The following CUL9 variants were observed in gnomAD, a reference collection of about 807,000 sequenced individuals.
CUL9 encodes cullin-9.
CUL9 carries 79 observed loss-of-function variants against 272.6 expected under a neutral mutation model. The ratio of observed to expected loss-of-function variants is 0.29; its 90% CI spans 0.24 to 0.35. The LOEUF (loss-of-function observed/expected upper bound fraction) is 0.35, where lower values mean the gene tolerates loss of function less well. Ranked by LOEUF, CUL9 falls within the 10% of genes least tolerant of loss-of-function variation. CUL9 has a pLI of 1.00. For missense variants in CUL9, 2,532 were observed against 3,255.6 expected, an observed-to-expected ratio of 0.78 and a Z score of 5.41; for synonymous variants, 1,186 against 1,286.5, an observed-to-expected ratio of 0.92 and a Z score of 1.67.
Position 43,203,838 on chromosome 6 carries a change from C to T in CUL9, c.4026-16C>T, listed in dbSNP as rs746410241. 1 of 1,599,720 alleles carries T rather than the reference C, an allele frequency of 6.3e-7. No homozygotes were observed. The highest frequency in any genetic ancestry group is 8.5e-7 in the Non-Finnish European group (1 of 1,171,402). On this transcript the variant is annotated splice_polypyrimidine_tract_variant and intron_variant, in intron 19 of 40. Transcript: ENST00000252050. This position sits in a 1 kb window ranked among gnomAD's most constrained non-coding sequence, Gnocchi z 5.0. ...TCGGTGCCATTAATCCTCCGCCATG[C>T]ACTGTTTGTTCCCAGACTGAACAGG...
chr6:43,219,885 C>T lies in CUL9; in HGVS notation c.6283-574C>T, dbSNP rs117605800. Among the ~76,000 whole-genome samples, 38 of 152,156 alleles carry T rather than the reference C, an allele frequency of 2.5e-4. 2 individuals are homozygous for T. The East Asian group carries it at 4.8e-3, about 19-fold the overall frequency. On this transcript the variant is annotated intron_variant, in intron 31 of 40. Transcript: ENST00000252050. Reference sequence around the variant, plus strand: ...GGGGAGTGACATGGGAGCAAGAGAACGATATGAAAGTTCCAACACTGGTGA... The same window carrying T: ...GGGGAGTGACATGGGAGCAAGAGAATGATATGAAAGTTCCAACACTGGTGA...
At chr6:43,186,837 G>A (rs1440996657) in intron 4 of CUL9, 123 bp from the exon 5 acceptor site, 1 of 1,228,410 alleles carries the variant, frequency 8.1e-7, no homozygotes, top group East Asian at 2.3e-5. Context: ...GGCTTAGCCA[G>A]GTGTGTATCT....
Position 43,204,960 on chromosome 6 carries a change from A to G in CUL9, c.4477A>G (p.Arg1493Gly). The change falls in exon 23 of 41, where the codon AGG (arginine) becomes GGG (glycine). Residue 1493 changes from arginine (R) to glycine (G), a missense_variant. By Grantham distance (125) the Arg-to-Gly change is moderately radical. This residue lies in a region of CUL9 where 2,218 missense variants were observed against 2,788.6 expected (regional missense o/e 0.80). Coordinates refer to ENST00000252050, the MANE Select transcript of CUL9 (RefSeq NM_015089.4). ...CAGCAGATTCCTGGCTGCAGCTTGG[A>G]GGGCCCCAGACTTTGTGCCTCGTTA... ...QVSRFLAAAW[R>G]APDFVPRYCK... 3 of 1,608,908 alleles carry G rather than the reference A, an allele frequency of 1.9e-6. No homozygotes were observed. The highest frequency in any genetic ancestry group is 2.5e-6 in the Non-Finnish European group (3 of 1,176,650).
At position 43,185,496 on chromosome 6, in the gene CUL9, T is replaced by C; in HGVS notation, c.636T>C (p.Asp212=). Residue 212 remains aspartate (D), a synonymous_variant, in exon 3 of 41, where the codon GAT becomes GAC. Transcript: ENST00000252050. Reference sequence around the variant, plus strand: ...TCCTTCTATCACTGAGCCAGCAAGATGGCATCGAGCAGCACATGGATTTTG... The same window carrying C: ...TCCTTCTATCACTGAGCCAGCAAGACGGCATCGAGCAGCACATGGATTTTG... ...AHVLLSLSQQ[D]GIEQHMDFDS... 5 of 1,613,998 alleles carry C rather than the reference T, an allele frequency of 3.1e-6. No homozygotes were observed. The highest frequency in any genetic ancestry group is 1.1e-5 in the South Asian group (1 of 91,082).
intron 8 of CUL9, among the ~76,000 whole-genome samples, chr6:43,191,279 TGTGTGTGTGTGTGC>T (rs1773447611): frequency 6.7e-6 from 1 of 149,548 alleles, no homozygotes; most frequent in African/African-American, 2.5e-5. Flanking sequence ...TGTGTGTGTG[TGTGTGTGTGTGTGC>T]GTGTTGTTTT....
intron 37 of CUL9, 52 bp downstream of exon 37, chr6:43,222,693 G>A: frequency 1.2e-6 from 2 of 1,604,960 alleles, no homozygotes; most frequent in East Asian, 4.5e-5. Flanking sequence ...AAATGGGTCT[G>A]GGGGGCTTGG....
intron 26 of CUL9, among the ~76,000 whole-genome samples, chr6:43,209,356 A>G (rs540168549): frequency 6.6e-6 from 1 of 151,050 alleles, no homozygotes; most frequent in African/African-American, 2.4e-5. Flanking sequence ...TCACCATGTT[A>G]GCCAGGATGG....
Position 43,196,710 on chromosome 6 carries a change from T to G in CUL9, c.2651T>G (p.Leu884Arg). The G allele has an allele frequency of 6.2e-7, 1 of 1,614,222 alleles. No individual in the cohort carries two copies. Among genetic ancestry groups the G allele is most frequent in the Non-Finnish European group, 8.5e-7 (1 of 1,180,034 alleles). Residue 884 changes from leucine to arginine, a missense_variant, in exon 11 of 41, where the codon CTG becomes CGG. Physicochemically the swap from Leu to Arg is moderately radical, Grantham distance 102. Coordinates refer to ENST00000252050, the MANE Select transcript of CUL9 (RefSeq NM_015089.4). The stretch of plus-strand genomic sequence containing the variant: ...CTACTTTTGTGCAACCACCACACTC[T>G]GGGAGACCAGATTATAACCCAAGAG... ...LNLLLCNHHT[L>R]GDQIITQELR...
chr6:43,200,897 TACAC>T lies in CUL9; in HGVS notation c.3647+67_3647+70del, dbSNP rs1256730067. The T allele has an allele frequency of 1.9e-6, 3 of 1,596,846 alleles. No individual in the cohort carries two copies. Among genetic ancestry groups the T allele is most frequent in the East Asian group, 4.5e-5 (2 of 44,668 alleles). On this transcript the variant is annotated intron_variant, in intron 16 of 40. Coordinates refer to ENST00000252050, the MANE Select transcript of CUL9 (RefSeq NM_015089.4). The surrounding 1 kb of genome is among the most constrained non-coding windows in gnomAD (Gnocchi z 4.0). ...AGGATACTTCCCCAAAGCACCCAGA[TACAC>T]ACAACCCCAGCTATAACCCCAATGC...
Position 43,188,137 on chromosome 6 carries a change from G to T in CUL9, c.1987+19G>T, listed in dbSNP as rs1334491434. ...GCCAGTGGTGAGTCAGGTTCTGGGA[G>T]GAAGCAATTGGAACAAGTCCTGGGT... On this transcript the variant is annotated intron_variant, in intron 7 of 40. Coordinates refer to ENST00000252050, the MANE Select transcript of CUL9 (RefSeq NM_015089.4). 3 of 1,612,446 alleles carry T rather than the reference G, an allele frequency of 1.9e-6. No homozygotes were observed. The highest frequency in any genetic ancestry group is 3.3e-5 in the Admixed American group (2 of 59,942).
intron 26 of CUL9, among the ~76,000 whole-genome samples, chr6:43,207,091 G>T (rs1361040254): frequency 1.3e-5 from 2 of 152,022 alleles, no homozygotes; most frequent in East Asian, 3.8e-4. Flanking sequence ...TGATCCACCC[G>T]CCTCAGTGAG....
In CUL9 at chr6:43,184,781, C is replaced by T. The variant is rs1772760294; in HGVS notation, c.471C>T (p.Pro157=). Residue 157 remains proline (P), a synonymous_variant, in exon 2 of 41, where the codon CCC becomes CCT. Transcript: ENST00000252050. This position sits in a 1 kb window ranked among gnomAD's most constrained non-coding sequence, Gnocchi z 4.8. ...HVLSAYASIG[P]LTGVFRETGA... is the part of the protein sequence containing the mutation. Reference sequence around the variant, plus strand: ...TCAGTGCCTACGCCAGCATCGGGCCCCTCACTGGTGTCTTCAGGGAGACAG... The same window carrying T: ...TCAGTGCCTACGCCAGCATCGGGCCTCTCACTGGTGTCTTCAGGGAGACAG... 6.2e-7 allele frequency: 1 copy of T among 1,614,148 alleles called. No individual in the cohort carries two copies. The highest frequency in any genetic ancestry group is 8.5e-7 in the Non-Finnish European group (1 of 1,180,040).
chr6:43,210,275 C>T (rs908752716), intron 26 of CUL9, among the ~76,000 whole-genome samples: 3 of 152,148 alleles, frequency 2.0e-5, no homozygotes, highest in Non-Finnish European at 4.4e-5. Context: ...CATGCCTGGC[C>T]GACATTTTTA....
chr6:43,183,813 C>T (rs1373999646), intron 1 of CUL9, among the ~76,000 whole-genome samples: 3 of 151,596 alleles, frequency 2.0e-5, no homozygotes, highest in Non-Finnish European at 2.9e-5. Flanking sequence ...AGTACAGTGG[C>T]GCGGTCTTGG....
At chr6:43,201,518 C>T (rs530998778) in intron 16 of CUL9, among the ~76,000 whole-genome samples, 8 of 152,200 alleles carry the variant, frequency 5.3e-5, no homozygotes, top group Non-Finnish European at 8.8e-5. Context: ...CTCGCTCTGC[C>T]GCCCAGGCTG....
chr6:43,200,315 G>A lies in CUL9; in HGVS notation c.3385-121G>A. On this transcript the variant is annotated intron_variant, in intron 14 of 40. Coordinates refer to ENST00000252050, the MANE Select transcript of CUL9 (RefSeq NM_015089.4). The surrounding 1 kb of genome is among the most constrained non-coding windows in gnomAD (Gnocchi z 4.0). Reference sequence around the variant, plus strand: ...TGACTCCACATGGTTCTGTCAAAATGTGGGGAGAGAGGAGTTGAGTATACC... The same window carrying A: ...TGACTCCACATGGTTCTGTCAAAATATGGGGAGAGAGGAGTTGAGTATACC... The A allele has an allele frequency of 1.9e-6, 3 of 1,543,078 alleles. No individual in the cohort carries two copies. The highest frequency in any genetic ancestry group is 2.7e-6 in the Non-Finnish European group (3 of 1,126,636).
chr6:43,219,021 C>A (rs1286828668), intron 31 of CUL9, among the ~76,000 whole-genome samples: 3 of 151,968 alleles, frequency 2.0e-5, no homozygotes, highest in African/African-American at 7.2e-5. Flanking sequence ...CCCATAGCTA[C>A]AAAAAATAGA....
At chr6:43,201,879 C>A (rs529154040) in intron 16 of CUL9, among the ~76,000 whole-genome samples, 27 of 152,286 alleles carry the variant, frequency 1.8e-4, no homozygotes, top group African/African-American at 6.5e-4. Context: ...AACTTTATTC[C>A]AAAAGTTGGG....
intron 20 of CUL9, 159 bp downstream of exon 20, chr6:43,204,146 T>A: frequency 9.2e-7 from 1 of 1,084,830 alleles, no homozygotes; most frequent in Non-Finnish European, 1.3e-6. Context: ...CACTGCTCCC[T>A]GAGACTCTGG....
Sources: gnomAD v4.1 joint callset for allele counts (sites outside exome capture counted in the v4.1 genomes callset) on GRCh38, gnomAD v4.1.1 for gene constraint, gnomAD v4.1.1 regional missense constraint, Gnocchi (gnomAD v3.1) non-coding constraint, MANE v1.5 for transcripts, NCBI Gene and HGNC (gene_info 2026-07-23, HGNC 2026-07-21) for gene names.